Variants in RTN4IP1 observed in about 807,000 individuals in gnomAD.
RTN4IP1 encodes reticulon 4 interacting protein 1.
RTN4IP1 carries 32 observed loss-of-function variants against 46.6 expected under a neutral mutation model. The ratio of observed to expected loss-of-function variants is 0.69; its 90% CI spans 0.52 to 0.92. The LOEUF (loss-of-function observed/expected upper bound fraction) is 0.92. Among genes scored for constraint, RTN4IP1 ranks in the 40% least tolerant of loss-of-function variants. The pLI, the probability that RTN4IP1 is intolerant of heterozygous loss-of-function variation, is 0.00. For missense variants in RTN4IP1, 424 were observed against 485.8 expected, an observed-to-expected ratio of 0.87 and a Z score of 1.20; for synonymous variants, 167 against 161.8, an observed-to-expected ratio of 1.03 and a Z score of -0.24.
chr6:106,621,571 TAATA>T, intron 2 of RTN4IP1, 78 bp from the exon 3 acceptor site: 1 of 1,161,040 alleles, frequency 8.6e-7, no homozygotes, highest in East Asian at 2.3e-5. Flanking sequence ...AAGTGTTCCC[TAATA>T]TATACCCTGT....
upstream of RTN4IP1, chr6:106,629,760 T>G (rs1776774841): frequency 6.4e-7 from 1 of 1,573,818 alleles, no homozygotes; most frequent in Admixed American, 1.9e-5. Context: ...TTAACGGACT[T>G]CGTTGACAAA....
At chr6:106,595,792 C>G (rs543136488) in intron 5 of RTN4IP1, among the ~76,000 whole-genome samples, 1 of 152,168 alleles carries the variant, frequency 6.6e-6, no homozygotes, top group Non-Finnish European at 1.5e-5. Context: ...GCCAACGCGT[C>G]CAGCCTGAAT....
chr6:106,609,305 G>A lies in RTN4IP1; in HGVS notation c.621-6383C>T, dbSNP rs532987880. Among the ~76,000 whole-genome samples, 23 of 152,296 alleles carry A rather than the reference G, an allele frequency of 1.5e-4. No homozygotes were observed. In the South Asian group the frequency reaches 2.7e-3, roughly 18 times the overall value. On this transcript the variant is annotated intron_variant, in intron 4 of 8. Coordinates refer to ENST00000369063, the MANE Select transcript of RTN4IP1 (RefSeq NM_032730.5). ...ACATGGTGGCTTACGCCTGTAATCCGGCACTTTGGGAGGCTGAGGCGGGAG... is the reference window on the plus strand; with the variant it reads ...ACATGGTGGCTTACGCCTGTAATCCAGCACTTTGGGAGGCTGAGGCGGGAG...
At chr6:106,600,776 T>C (rs1775926879) in intron 5 of RTN4IP1, among the ~76,000 whole-genome samples, 1 of 152,148 alleles carries the variant, frequency 6.6e-6, no homozygotes, top group African/African-American at 2.4e-5. Flanking sequence ...ATGGCTGATA[T>C]ATAATATAGA....
At chr6:106,586,839 C>T (rs112712944) in intron 7 of RTN4IP1, among the ~76,000 whole-genome samples, 124 of 152,270 alleles carry the variant, frequency 8.1e-4, no homozygotes, top group African/African-American at 2.8e-3. Context: ...TCAAGCTCTG[C>T]TATTAGTCTT....
chr6:106,579,019 G>A (rs181837089), intron 8 of RTN4IP1, among the ~76,000 whole-genome samples: 294 of 151,142 alleles, frequency 1.9e-3, no homozygotes, highest in African/African-American at 6.7e-3. Context: ...GGTGGATCAC[G>A]AGGTCAAGAG....
intron 8 of RTN4IP1, among the ~76,000 whole-genome samples, chr6:106,577,435 G>A (rs538331983): frequency 5.3e-5 from 5 of 94,554 alleles, no homozygotes; most frequent in South Asian, 4.2e-4. Flanking sequence ...GTGACAAAGT[G>A]AGACCCTGTC....
At chr6:106,611,731 A>G (rs1403073167) in intron 4 of RTN4IP1, among the ~76,000 whole-genome samples, 8 of 152,216 alleles carry the variant, frequency 5.3e-5, no homozygotes, top group African/African-American at 1.7e-4. Flanking sequence ...GGAGACCAAG[A>G]TAGCCTAGAT....
At chr6:106,572,752 C>G (rs138009106) in intron 8 of RTN4IP1, among the ~76,000 whole-genome samples, 2 of 152,098 alleles carry the variant, frequency 1.3e-5, no homozygotes, top group East Asian at 3.9e-4. Context: ...TGGCTCCTTA[C>G]AGAGAGTGCA....
At chr6:106,597,563 T>TCAAACAAATTTACAAG in intron 5 of RTN4IP1, among the ~76,000 whole-genome samples, 1 of 151,926 alleles carries the variant, frequency 6.6e-6, no homozygotes, top group African/African-American at 2.4e-5. Flanking sequence ...AGGCTGGTCC[T>TCAAACAAATTTACAAG]GAATCGCTGA....
At chr6:106,619,423 G>T in intron 3 of RTN4IP1, 97 bp from the exon 4 acceptor site, 1 of 1,396,340 alleles carries the variant, frequency 7.2e-7, no homozygotes, top group Non-Finnish European at 9.8e-7. Flanking sequence ...GCTGACCCTT[G>T]AACAACAGGG....
chr6:106,603,118 A>C (rs999378197), intron 4 of RTN4IP1, among the ~76,000 whole-genome samples, 196 bp from the exon 5 acceptor site: 10 of 152,258 alleles, frequency 6.6e-5, no homozygotes, highest in African/African-American at 2.4e-4. Flanking sequence ...CTTAAAATAA[A>C]GACATTCTAT....
chr6:106,621,328 C>A, intron 3 of RTN4IP1, 97 bp downstream of exon 3: 1 of 909,264 alleles, frequency 1.1e-6, no homozygotes, highest in South Asian at 1.4e-5. Flanking sequence ...ACTGCCCCAT[C>A]AAACATAAAC....
Position 106,572,366 on chromosome 6 carries a change from G to C in RTN4IP1, c.1084-263C>G, listed in dbSNP as rs552793715. On this transcript the variant is annotated intron_variant, in intron 8 of 8. Coordinates refer to ENST00000369063, the MANE Select transcript of RTN4IP1 (RefSeq NM_032730.5). ...TGCTGGTCTTTCACTCTCCTACTTAGAACCGTTCAACAGCTCCCACTCCGG... is the reference window on the plus strand; with the variant it reads ...TGCTGGTCTTTCACTCTCCTACTTACAACCGTTCAACAGCTCCCACTCCGG... 2.1e-5 allele frequency: 9 copies of C among 424,238 alleles called. No homozygotes were observed. The East Asian group carries it at 3.1e-4, about 15-fold the overall frequency. 26.3% of individuals were successfully genotyped at this position (424,238 alleles called of 1,614,324 possible). A position where few individuals can be genotyped will look rare whatever the true frequency, so the allele number is the denominator to read the frequency against.
intron 8 of RTN4IP1, among the ~76,000 whole-genome samples, chr6:106,580,945 T>C (rs1345189769): frequency 6.7e-6 from 1 of 148,788 alleles, no homozygotes; most frequent in African/African-American, 2.5e-5. Flanking sequence ...AAAGCTTTTA[T>C]ATCCTGACAT....
intron 8 of RTN4IP1, among the ~76,000 whole-genome samples, chr6:106,582,848 C>T (rs1775402246): frequency 6.6e-6 from 1 of 152,160 alleles, no homozygotes; most frequent in Admixed American, 6.6e-5. Flanking sequence ...GCAGAGTACA[C>T]CAGCCAGTTG....
intron 4 of RTN4IP1, among the ~76,000 whole-genome samples, chr6:106,607,556 C>T (rs931524229): frequency 2.0e-5 from 3 of 152,016 alleles, no homozygotes; most frequent in African/African-American, 7.2e-5. Flanking sequence ...CAATTAAAAA[C>T]GTGCAAAGGA....
At chr6:106,623,955 GAAC>G (rs1776563438) in intron 1 of RTN4IP1, among the ~76,000 whole-genome samples, 2 of 152,332 alleles carry the variant, frequency 1.3e-5, no homozygotes, top group South Asian at 2.1e-4. Context: ...CATGTTTCTA[GAAC>G]AACATCTTTG....
At chr6:106,619,368 A>C (rs1326495672) in intron 3 of RTN4IP1, 42 bp from the exon 4 acceptor site, 1 of 1,612,072 alleles carries the variant, frequency 6.2e-7, no homozygotes. Flanking sequence ...AATGACTTGC[A>C]AACCTATGAA....
Sources: allele counts gnomAD v4.1 joint callset (sites outside exome capture counted in the v4.1 genomes callset), GRCh38; gene constraint gnomAD v4.1.1; transcripts MANE v1.5; gene names NCBI Gene and HGNC (gene_info 2026-07-23, HGNC 2026-07-21).